The following EPG5 variants were observed in gnomAD, a reference collection of about 807,000 sequenced individuals.
The protein encoded by EPG5 is ectopic P granules protein 5 homolog.
Under a neutral mutation model 302.7 loss-of-function variants are expected in EPG5, and 159 were observed. The observed-to-expected ratio is 0.53, with a 90% CI of 0.46 to 0.60. The LOEUF is 0.60. Among genes scored for constraint, EPG5 ranks in the 20% least tolerant of loss-of-function variants. EPG5 has a pLI of 0.00. For missense variants in EPG5, 2,896 were observed against 3,092.4 expected (o/e 0.94, Z 1.51); for synonymous variants, 1,158 against 1,136.8 (o/e 1.02, Z -0.37).
At chr18:45,853,045 T>C (rs1016563505) in intron 43 of EPG5, among the ~76,000 whole-genome samples, 32 of 152,198 alleles carry the variant, frequency 2.1e-4, no homozygotes, top group Non-Finnish European at 3.2e-4. Context: ...CCCACCAGAT[T>C]GTCCACTCCT....
Position 45,925,821 on chromosome 18 carries a change from A to T in EPG5, c.2635T>A (p.Leu879Ile). Reference protein sequence around the residue: ...ASEIAVIRDWLLNYNLTVVKN... With the variant: ...ASEIAVIRDWILNYNLTVVKN... ...ACCACTGTCAGGTTGTAATTCAATA[A>T]CCAATCCCGAATCACCGCTATCTCA... Residue 879 changes from leucine to isoleucine, a missense_variant, in exon 14 of 44, where the codon TTA becomes ATA. By Grantham distance (5) the Leu-to-Ile change is conservative. Coordinates refer to ENST00000282041, the MANE Select transcript of EPG5 (RefSeq NM_020964.3). 6.3e-7 allele frequency: 1 copy of T among 1,583,972 alleles called. No homozygotes were observed. Among genetic ancestry groups the T allele is most frequent in the Non-Finnish European group, 8.6e-7 (1 of 1,167,964 alleles).
At chr18:45,861,833 CTTGTT>C (rs1167622592) in intron 39 of EPG5, among the ~76,000 whole-genome samples, 3 of 151,822 alleles carry the variant, frequency 2.0e-5, no homozygotes, top group Admixed American at 1.3e-4. Context: ...CTTTTTCTTC[CTTGTT>C]TTATCTGGTA....
chr18:45,953,532 A>T, intron 2 of EPG5: 1 of 985,324 alleles, frequency 1.0e-6, no homozygotes, highest in Non-Finnish European at 1.2e-6. Flanking sequence ...GCTTCCCTTC[A>T]CTGCCAAACT....
intron 7 of EPG5, among the ~76,000 whole-genome samples, chr18:45,945,367 T>A (rs1183324966): frequency 6.6e-6 from 1 of 152,118 alleles, no homozygotes; most frequent in Non-Finnish European, 1.5e-5. Flanking sequence ...ATATAGCTAG[T>A]AACAAGAAAC....
chr18:45,801,655 C>G, the EPG5 span, among the ~76,000 whole-genome samples: 1 of 152,198 alleles, frequency 6.6e-6, no homozygotes, highest in African/African-American at 2.4e-5. Context: ...TCCCTCCCTT[C>G]CATTCCTTTC....
chr18:45,960,797 G>A (rs1311927240), intron 1 of EPG5, among the ~76,000 whole-genome samples: 1 of 151,842 alleles, frequency 6.6e-6, no homozygotes, highest in Non-Finnish European at 1.5e-5. Context: ...TAAGCAATGA[G>A]GAATCAGAAA....
intron 6 of EPG5, among the ~76,000 whole-genome samples, chr18:45,947,849 T>C (rs1368504945): frequency 6.6e-6 from 1 of 152,124 alleles, no homozygotes; most frequent in Non-Finnish European, 1.5e-5. Flanking sequence ...CTCAGCTCAC[T>C]GCAACCTCCG....
chr18:45,880,268 G>A (rs1489621265), intron 31 of EPG5, 45 bp from the exon 32 acceptor site: 2 of 1,496,322 alleles, frequency 1.3e-6, no homozygotes, highest in African/African-American at 1.4e-5. Context: ...TTTCCCGAAA[G>A]GAATATTTTA....
At chr18:45,825,823 T>C in the EPG5 span, 3 of 1,610,518 alleles carry the variant, frequency 1.9e-6, no homozygotes, top group Non-Finnish European at 2.5e-6. Context: ...CGGGACAGAA[T>C]AGATGCTGAA....
chr18:45,944,172 G>A, intron 7 of EPG5, 53 bp from the exon 8 acceptor site: 1 of 1,128,968 alleles, frequency 8.9e-7, no homozygotes, highest in Non-Finnish European at 1.3e-6. Context: ...ATCACACTAT[G>A]ATCTAGCGTT....
the EPG5 span, among the ~76,000 whole-genome samples, chr18:45,821,603 A>G: frequency 6.6e-6 from 1 of 152,346 alleles, no homozygotes; most frequent in African/African-American, 2.4e-5. Context: ...AAAATAAGCA[A>G]GCGAAATTAT....
At chr18:45,909,553 T>C (rs549923655) in intron 23 of EPG5, among the ~76,000 whole-genome samples, 88 of 152,332 alleles carry the variant, frequency 5.8e-4, no homozygotes, top group Middle Eastern at 6.8e-3. Context: ...TTAAGTCTTA[T>C]TTGTAAGACT....
chr18:45,915,901 G>T, intron 19 of EPG5, 108 bp downstream of exon 19: 1 of 1,006,696 alleles, frequency 9.9e-7, no homozygotes, highest in Non-Finnish European at 1.4e-6. Context: ...GCTTAAAGAA[G>T]GTAATGGCCA....
intron 6 of EPG5, among the ~76,000 whole-genome samples, chr18:45,947,462 G>C (rs1368139220): frequency 6.6e-6 from 1 of 152,078 alleles, no homozygotes; most frequent in Non-Finnish European, 1.5e-5. Flanking sequence ...CCAAAACATA[G>C]ATATAAATGC....
Position 45,889,911 on chromosome 18 carries a change from T to C in EPG5, c.4839A>G (p.Ile1613Met). 4 of 1,605,688 alleles carry C rather than the reference T, an allele frequency of 2.5e-6. No homozygotes were observed. Among genetic ancestry groups the C allele is most frequent in the Non-Finnish European group, 3.4e-6 (4 of 1,175,170 alleles). ...QFEGMHKNEA[I>M]SQQLHVLRKE... is the part of the protein sequence containing the mutation. ...TCCGTAAAACATGAAGCTGTTGGCT[T>C]ATGGCTTCATTCTTATGCATGCCTT... The change falls in exon 28 of 44, where the codon ATA (isoleucine) becomes ATG (methionine). Residue 1613 changes from isoleucine to methionine, a missense_variant. Coordinates refer to ENST00000282041, the MANE Select transcript of EPG5 (RefSeq NM_020964.3).
At position 45,916,586 on chromosome 18, in the gene EPG5, C is replaced by A; in HGVS notation, c.3240-4G>T. The stretch of plus-strand genomic sequence containing the variant: ...CAAGAGGAGATGCGATAAAAACCTG[C>A]CAAGCACACAGGAGGACGCACTTTA... On this transcript the variant is annotated splice_polypyrimidine_tract_variant and splice_region_variant and intron_variant, in intron 17 of 43. Coordinates refer to ENST00000282041, the MANE Select transcript of EPG5 (RefSeq NM_020964.3). The A allele has an allele frequency of 6.3e-7, 1 of 1,592,410 alleles. No homozygotes were observed. Among genetic ancestry groups the A allele is most frequent in the Non-Finnish European group, 8.6e-7 (1 of 1,162,212 alleles).
At chr18:45,884,015 A>G (rs1333536349) in intron 30 of EPG5, among the ~76,000 whole-genome samples, 1 of 152,028 alleles carries the variant, frequency 6.6e-6, no homozygotes, top group Non-Finnish European at 1.5e-5. Context: ...AGAGACTAAC[A>G]AAACCTTTGT....
rs9949693 is a variant in EPG5, at chr18:45,879,398, T to C, written c.5668-184A>G. On this transcript the variant is annotated intron_variant, in intron 32 of 43. Coordinates refer to ENST00000282041, the MANE Select transcript of EPG5 (RefSeq NM_020964.3). ...TTGTTTTTGTTTTGAGGTAGAGTCT[T>C]GCTCTGTCGCCTAGGCTGGAGTGCA... Among the ~76,000 whole-genome samples the C allele has an allele frequency of 0.1, 15,339 of 152,286 alleles. 1,773 individuals are homozygous for C. Among genetic ancestry groups the C allele is most frequent in the African/African-American group, 0.28 (11,553 of 41,528 alleles).
In EPG5 at chr18:45,866,826, G is replaced by C. The variant is rs955218325; in HGVS notation, c.6593C>G (p.Ser2198Cys). 2 of 1,613,948 alleles carry C rather than the reference G, an allele frequency of 1.2e-6. No individual in the cohort carries two copies. Among genetic ancestry groups the C allele is most frequent in the African/African-American group, 2.7e-5 (2 of 74,928 alleles). Residue 2198 changes from serine (S) to cysteine (C), a missense_variant, in exon 38 of 44, where the codon TCT (serine) becomes TGT (cysteine). Ser to Cys is a moderately radical substitution (Grantham distance 112, BLOSUM62 -1). This residue lies in a region of EPG5 where 620 missense variants were observed against 704.2 expected (regional missense o/e 0.88). Coordinates refer to ENST00000282041, the MANE Select transcript of EPG5 (RefSeq NM_020964.3). Reference protein sequence around the residue: ...MKLLKVSAGLSIPTDSQKHLD... With the variant: ...MKLLKVSAGLCIPTDSQKHLD... ...ATGCTTCTGGCTGTCAGTAGGAATA[G>C]AAAGGCCCGCAGACACTTTTAGGAG...
Sources: allele counts gnomAD v4.1 joint callset (sites outside exome capture counted in the v4.1 genomes callset), GRCh38; gene constraint gnomAD v4.1.1; regional missense constraint gnomAD v4.1.1; transcripts MANE v1.5; gene names NCBI Gene and HGNC (gene_info 2026-07-23, HGNC 2026-07-21).